The following EYS variants were observed in gnomAD, a reference collection of about 807,000 sequenced individuals.
EYS encodes the protein EGF-like photoreceptor maintenance factor, also known as protein eyes shut homolog.
Under a neutral mutation model 282.1 loss-of-function variants are expected in EYS, and 250 were observed. The ratio of observed to expected loss-of-function variants is 0.89; its 90% CI spans 0.80 to 0.98. The LOEUF is 0.98. Ranked by LOEUF, EYS falls within the 50% of genes least tolerant of loss-of-function variation. EYS has a pLI of 0.00. For missense variants in EYS, 4,016 were observed against 3,709.0 expected, an observed-to-expected ratio of 1.08 and a Z score of -2.15; for synonymous variants, 1,355 against 1,282.9, an observed-to-expected ratio of 1.06 and a Z score of -1.20.
At chr6:64,394,475 C>T (rs1449157917) in intron 28 of EYS, among the ~76,000 whole-genome samples, 4 of 152,032 alleles carry the variant, frequency 2.6e-5, no homozygotes, top group African/African-American at 4.8e-5. Context: ...GAAATAACGC[C>T]GCATATCTAC....
At chr6:65,026,992 T>C (rs1772437973) in intron 13 of EYS, among the ~76,000 whole-genome samples, 1 of 149,760 alleles carries the variant, frequency 6.7e-6, no homozygotes, top group African/African-American at 2.4e-5. Context: ...TCTACCCTTT[T>C]CCTCTTCCTC....
intron 22 of EYS, among the ~76,000 whole-genome samples, chr6:64,665,242 T>C (rs536350345): frequency 6.6e-6 from 1 of 152,304 alleles, no homozygotes; most frequent in East Asian, 1.9e-4. Flanking sequence ...AATAACATAG[T>C]AAAATAATCT....
At chr6:64,567,961 A>G (rs1418413465) in intron 26 of EYS, among the ~76,000 whole-genome samples, 1 of 152,200 alleles carries the variant, frequency 6.6e-6, no homozygotes, top group Non-Finnish European at 1.5e-5. Flanking sequence ...GTCTGGAGAA[A>G]GTCTCTGGTC....
At chr6:64,346,587 G>C (rs960580820) in intron 29 of EYS, among the ~76,000 whole-genome samples, 1 of 151,652 alleles carries the variant, frequency 6.6e-6, no homozygotes, top group Non-Finnish European at 1.5e-5. Context: ...AGCATTAGGA[G>C]ATATACCTAA....
At chr6:63,894,994 A>G (rs1200876919) in intron 35 of EYS, among the ~76,000 whole-genome samples, 1 of 151,966 alleles carries the variant, frequency 6.6e-6, no homozygotes, top group Non-Finnish European at 1.5e-5. Context: ...AGACAGGGCC[A>G]TTGAGACTTG....
chr6:64,340,223 CTAAAATTCA>C (rs1372852633), intron 29 of EYS, among the ~76,000 whole-genome samples: 1 of 150,742 alleles, frequency 6.6e-6, no homozygotes, highest in Non-Finnish European at 1.5e-5. Context: ...AAAGAGTATT[CTAAAATTCA>C]TACAGAATCA....
At chr6:64,303,602 G>A (rs1186473095) in intron 30 of EYS, among the ~76,000 whole-genome samples, 2 of 152,136 alleles carry the variant, frequency 1.3e-5, no homozygotes, top group East Asian at 3.9e-4. Flanking sequence ...CAGCACTTTG[G>A]GAGGCCGAGA....
chr6:65,700,842 G>A (rs539839617), intron 1 of EYS, among the ~76,000 whole-genome samples: 1 of 152,208 alleles, frequency 6.6e-6, no homozygotes, highest in East Asian at 1.9e-4. Context: ...GTAAAATATA[G>A]TGTGGGTTTT....
At chr6:64,168,750 TG>T (rs879516062) in intron 31 of EYS, among the ~76,000 whole-genome samples, 5 of 152,052 alleles carry the variant, frequency 3.3e-5, no homozygotes, top group Non-Finnish European at 7.4e-5. Flanking sequence ...GGGATGACAA[TG>T]GGGAGTGAAT....
chr6:64,143,447 A>T (rs1041284127), intron 31 of EYS, among the ~76,000 whole-genome samples: 1 of 151,926 alleles, frequency 6.6e-6, no homozygotes, highest in East Asian at 1.9e-4. Context: ...TAAGAAGTAC[A>T]TAGGAAGAAC....
intron 1 of EYS, among the ~76,000 whole-genome samples, chr6:65,684,006 G>A (rs1033457570): frequency 6.6e-6 from 1 of 151,910 alleles, no homozygotes; most frequent in Admixed American, 6.6e-5. Context: ...GAAAAAGCTG[G>A]TTTTCCTTTT....
At chr6:65,392,375 T>C (rs1766076769) in intron 7 of EYS, among the ~76,000 whole-genome samples, 2 of 151,796 alleles carry the variant, frequency 1.3e-5, no homozygotes, top group African/African-American at 2.4e-5. Context: ...ACCATCAGAG[T>C]GAACAGGCAA....
At chr6:64,234,135 G>A (rs1162588560) in intron 30 of EYS, among the ~76,000 whole-genome samples, 2 of 152,130 alleles carry the variant, frequency 1.3e-5, no homozygotes, top group Non-Finnish European at 2.9e-5. Context: ...TGAGTTTAGA[G>A]CTTTAATAGT....
intron 22 of EYS, among the ~76,000 whole-genome samples, chr6:64,768,473 C>A (rs1217441917): frequency 1.3e-5 from 2 of 152,006 alleles, no homozygotes; most frequent in Non-Finnish European, 2.9e-5. Context: ...ATGCTTTAGT[C>A]CTTCTGAAAA....
At position 64,886,856 on chromosome 6, in the gene EYS, G is replaced by A. The variant is rs754629386; in HGVS notation, c.2847-14C>T. On this transcript the variant is annotated splice_polypyrimidine_tract_variant and intron_variant, in intron 18 of 42. Transcript: ENST00000503581. Reference sequence around the variant, plus strand: ...TTACAAAAAAATCTGGAGAAAAGTGGAGAAATGAGGAATAGCCATGTAACA... The same window carrying A: ...TTACAAAAAAATCTGGAGAAAAGTGAAGAAATGAGGAATAGCCATGTAACA... 7 of 1,455,554 alleles carry A rather than the reference G, an allele frequency of 4.8e-6. No homozygotes were observed. The highest frequency in any genetic ancestry group is 6.5e-6 in the Non-Finnish European group (7 of 1,080,226). The allele number at this position is 1,455,554 out of a possible 1,614,324, so 90.2% of individuals were successfully genotyped here.
intron 5 of EYS, among the ~76,000 whole-genome samples, chr6:65,484,965 C>G (rs1365424279): frequency 6.6e-6 from 1 of 152,214 alleles, no homozygotes; most frequent in South Asian, 2.1e-4. Flanking sequence ...TGATAGAGAC[C>G]ATATGGATCA....
rs893382295 is a variant in EYS, at chr6:64,815,616, T to C, written c.3244-2039A>G. On this transcript the variant is annotated intron_variant, in intron 21 of 42. Coordinates refer to ENST00000503581, the MANE Select transcript of EYS (RefSeq NM_001142800.2). ...AAAAGGATGCCTTTCGTTTTGTTCA[T>C]CATTTATATTGCTTTGCTATATTCT... Among the ~76,000 whole-genome samples the C allele has an allele frequency of 3.2e-4, 49 of 152,238 alleles. 1 individual carries two copies. The highest frequency in any genetic ancestry group is 8.7e-4 in the African/African-American group (36 of 41,582).
intron 29 of EYS, among the ~76,000 whole-genome samples, chr6:64,356,720 C>A (rs1381058799): frequency 4.6e-5 from 7 of 151,526 alleles, no homozygotes; most frequent in Admixed American, 4.6e-4. Context: ...CCAGTGTTTG[C>A]CAAATACACA....
In EYS at chr6:65,057,746, A is replaced by AG; in HGVS notation, c.2024-20_2024-19insC. The AG allele has an allele frequency of 2.1e-6, 3 of 1,453,876 alleles. No individual in the cohort carries two copies. The highest frequency in any genetic ancestry group is 2.8e-6 in the Non-Finnish European group (3 of 1,058,042). The allele number at this position is 1,453,876 out of a possible 1,614,324, so 90.1% of individuals were successfully genotyped here. A position where few individuals can be genotyped will look rare whatever the true frequency, so the allele number is the denominator to read the frequency against. ...TGCGTACCTTTGGAAAATAGGAAAA[A>AG]AAAATGTTAAGTGTTAACAAGACAG... On this transcript the variant is annotated intron_variant, in intron 12 of 42. Coordinates refer to ENST00000503581, the MANE Select transcript of EYS (RefSeq NM_001142800.2).
Sources: gnomAD v4.1 joint callset for allele counts (sites outside exome capture counted in the v4.1 genomes callset) on GRCh38, gnomAD v4.1.1 for gene constraint, MANE v1.5 for transcripts, NCBI Gene and HGNC (gene_info 2026-07-23, HGNC 2026-07-21) for gene names.